Variants in USP2 observed in about 807,000 individuals in gnomAD.
The protein encoded by USP2 is ubiquitin specific peptidase 2.
Under a neutral mutation model 72.0 loss-of-function variants are expected in USP2, and 33 were observed. That is an observed-to-expected ratio of 0.46 (90% confidence interval 0.35 to 0.61). The LOEUF (loss-of-function observed/expected upper bound fraction) is 0.61, where lower values mean the gene tolerates loss of function less well. Among genes scored for constraint, USP2 ranks in the 20% least tolerant of loss-of-function variants. The probability of loss-of-function intolerance (pLI) is 0.01; values close to 1 mark genes in which losing one functional copy is unlikely to be tolerated. For synonymous variants in USP2, 296 were observed against 312.5 expected, an observed-to-expected ratio of 0.95 and a Z score of 0.56; for missense variants, 691 against 797.8, an observed-to-expected ratio of 0.87 and a Z score of 1.61.
Position 119,363,913 on chromosome 11 carries a change from C to T in USP2, c.775-3679G>A, listed in dbSNP as rs1259114018. On this transcript the variant is annotated intron_variant, in intron 2 of 12. Transcript: ENST00000260187. ...CAGCAGGGACGGGGAGAGAGGGGAG[C>T]GCGGCCGCAGCTCCTTGGCGAGGGC... is the stretch of plus-strand genomic sequence containing the variant. 7 of 1,056,306 alleles carry T rather than the reference C, an allele frequency of 6.6e-6. No individual in the cohort carries two copies. The Admixed American group carries it at 3.0e-4, about 46-fold the overall frequency. 65.4% of individuals were successfully genotyped at this position (1,056,306 alleles called of 1,614,324 possible). A position where few individuals can be genotyped will look rare whatever the true frequency, so the allele number is the denominator to read the frequency against.
At chr11:119,370,391 T>C (rs1032820175) in intron 2 of USP2, among the ~76,000 whole-genome samples, 1 of 152,160 alleles carries the variant, frequency 6.6e-6, no homozygotes, top group Non-Finnish European at 1.5e-5. Flanking sequence ...TGATCACTCA[T>C]CTTACAGAGG....
Position 119,358,141 on chromosome 11 carries a change from G to A in USP2, c.1341+8C>T, listed in dbSNP as rs761031931. The A allele has an allele frequency of 3.1e-6, 5 of 1,613,992 alleles. No homozygotes were observed. The African/African-American group carries it at 4.0e-5, about 13-fold the overall frequency. ...GAGTTCAACAAGGCGGGCAACTGGG[G>A]TGCATACCTTAGCAATGGGCAGTGA... On this transcript the variant is annotated splice_region_variant and intron_variant, in intron 8 of 12. Transcript: ENST00000260187.
At chr11:119,365,527 G>T (rs1179785224) in intron 2 of USP2, among the ~76,000 whole-genome samples, 1 of 152,194 alleles carries the variant, frequency 6.6e-6, no homozygotes, top group Non-Finnish European at 1.5e-5. Flanking sequence ...CGGACAAACT[G>T]CAGCAGCCTT....
At position 119,358,288 on chromosome 11, in the gene USP2, G is replaced by T. The variant is rs1384368797; in HGVS notation, c.1238-36C>A. On this transcript the variant is annotated intron_variant, in intron 7 of 12. Transcript: ENST00000260187. Reference sequence around the variant, plus strand: ...GAAGGCCATGAGATGCTGAAATACAGGAAGTAGAGCATGGTCTTCTGCACA... The same window carrying T: ...GAAGGCCATGAGATGCTGAAATACATGAAGTAGAGCATGGTCTTCTGCACA... 4 of 1,588,226 alleles carry T rather than the reference G, an allele frequency of 2.5e-6. No homozygotes were observed. In the South Asian group the frequency reaches 4.4e-5, roughly 18 times the overall value.
rs1950666073 is a variant in USP2 at position 119,356,939 on chromosome 11, G to GAGTCAGCCCGGAGCGGGC, written c.1731-35_1731-18dup. On this transcript the variant is annotated splice_polypyrimidine_tract_variant and intron_variant, in intron 12 of 12. Transcript: ENST00000260187. ...GGAGTGACGCTGCGGAGAGAGCGGG[G>GAGTCAGCCCGGAGCGGGC]AGTCAGCCCGGAGCGGGCAGGACCG... The GAGTCAGCCCGGAGCGGGC allele has an allele frequency of 3.2e-6, 5 of 1,551,984 alleles. No homozygotes were observed. The highest frequency in any genetic ancestry group is 2.3e-4 in the Middle Eastern group (1 of 4,420).
chr11:119,372,136 T>C (rs1950935767), intron 2 of USP2, among the ~76,000 whole-genome samples: 1 of 152,176 alleles, frequency 6.6e-6, no homozygotes, highest in Admixed American at 6.5e-5. Flanking sequence ...ATTTCTCCCC[T>C]ACTTTCTCCA....
intron 2 of USP2, among the ~76,000 whole-genome samples, chr11:119,366,307 A>G (rs1317041848): frequency 6.6e-6 from 1 of 152,238 alleles, no homozygotes; most frequent in African/African-American, 2.4e-5. Context: ...AGCAAAACCC[A>G]TGCTTTTAAC....
At chr11:119,367,270 T>C (rs1286552326) in intron 2 of USP2, among the ~76,000 whole-genome samples, 3 of 152,202 alleles carry the variant, frequency 2.0e-5, no homozygotes, top group Non-Finnish European at 2.9e-5. Flanking sequence ...TGCTTCCCTA[T>C]AGGATAAGTA....
chr11:119,379,941 C>G (rs1191545219), intron 1 of USP2, among the ~76,000 whole-genome samples: 1 of 59,664 alleles, frequency 1.7e-5, no homozygotes, highest in African/African-American at 7.1e-5. Flanking sequence ...TTTTTTGAGA[C>G]GGAGTCTCCG....
chr11:119,366,062 T>G (rs1317651222), intron 2 of USP2, among the ~76,000 whole-genome samples: 1 of 152,032 alleles, frequency 6.6e-6, no homozygotes, highest in East Asian at 1.9e-4. Flanking sequence ...GCCTGGCTAA[T>G]TTTTGTATTT....
intron 12 of USP2, 77 bp from the exon 13 acceptor site, chr11:119,356,999 AGGCC>A: frequency 4.0e-6 from 6 of 1,509,492 alleles, no homozygotes; most frequent in Non-Finnish European, 5.4e-6. Flanking sequence ...TGTGCCCCCG[AGGCC>A]GGCCGGCCTG....
intron 2 of USP2, chr11:119,364,208 T>C (rs1348480030): frequency 9.7e-6 from 11 of 1,136,372 alleles, no homozygotes; most frequent in Non-Finnish European, 7.5e-6. Flanking sequence ...TCCGGCCGAC[T>C]GGCGGCCCCG....
At chr11:119,358,693 G>T in intron 7 of USP2, 80 bp downstream of exon 7, 1 of 1,522,316 alleles carries the variant, frequency 6.6e-7, no homozygotes, top group South Asian at 1.1e-5. Context: ...CCGGGAGAGT[G>T]ATTCTTAGGG....
rs922946250 is a variant in USP2 at position 119,357,965 on chromosome 11, C to T, written c.1422+16G>A. The T allele has an allele frequency of 1.2e-5, 20 of 1,614,050 alleles. No homozygotes were observed. Among genetic ancestry groups the T allele is most frequent in the Non-Finnish European group, 1.7e-5 (20 of 1,180,046 alleles). On this transcript the variant is annotated intron_variant, in intron 9 of 12. Coordinates refer to ENST00000260187, the MANE Select transcript of USP2 (RefSeq NM_004205.5). Reference sequence around the variant, plus strand: ...CCACGGAAATTTGTTCTTGCTATTACCGAAGGGTGACTTACTGGCTTTTCA... The same window carrying T: ...CCACGGAAATTTGTTCTTGCTATTATCGAAGGGTGACTTACTGGCTTTTCA...
chr11:119,368,987 C>T (rs760486800), intron 2 of USP2, among the ~76,000 whole-genome samples: 1 of 152,196 alleles, frequency 6.6e-6, no homozygotes, highest in Non-Finnish European at 1.5e-5. Flanking sequence ...CTCGTCCTTC[C>T]ATAGACCCCG....
At chr11:119,376,484 C>G (rs1469361579) in intron 1 of USP2, 1 of 901,684 alleles carries the variant, frequency 1.1e-6, no homozygotes, top group Non-Finnish European at 1.3e-6. Context: ...CACTGTTTAC[C>G]CAGAGCTGGC....
intron 1 of USP2, chr11:119,378,996 C>A: frequency 1.0e-6 from 1 of 985,424 alleles, no homozygotes; most frequent in Non-Finnish European, 1.2e-6. Flanking sequence ...ACCAAAGGGG[C>A]AGCTACTGAC....
intron 2 of USP2, chr11:119,363,944 AG>A: frequency 6.7e-6 from 1 of 149,948 alleles, no homozygotes; most frequent in Non-Finnish European, 8.9e-6. Flanking sequence ...AGGGCGGGAA[AG>A]GGGGCGGCGG....
Position 119,358,363 on chromosome 11 carries a change from C to T in USP2, c.1238-111G>A, listed in dbSNP as rs1312627363. ...ATGGAGTTTTGCTCTGTCCCCCAGG[C>T]TGAAGTGCAGTGGTGCAATCTCAGC... On this transcript the variant is annotated intron_variant, in intron 7 of 12. Coordinates refer to ENST00000260187, the MANE Select transcript of USP2 (RefSeq NM_004205.5). 3 of 1,002,560 alleles carry T rather than the reference C, an allele frequency of 3.0e-6. No individual in the cohort carries two copies. In the African/African-American group the frequency reaches 4.8e-5, roughly 16 times the overall value. 62.1% of individuals were successfully genotyped at this position (1,002,560 alleles called of 1,614,324 possible).
Sources: allele counts gnomAD v4.1 joint callset (sites outside exome capture counted in the v4.1 genomes callset), GRCh38; gene constraint gnomAD v4.1.1; transcripts MANE v1.5; gene names NCBI Gene and HGNC (gene_info 2026-07-23, HGNC 2026-07-21).